Variants in DNAJC14 observed in about 807,000 individuals in gnomAD.
DNAJC14 encodes the protein dnaJ homolog subfamily C member 14.
Under a neutral mutation model 68.8 loss-of-function variants are expected in DNAJC14, and 12 were observed. The observed-to-expected ratio is 0.17, with a 90% CI of 0.11 to 0.28. DNAJC14 has a LOEUF of 0.28. DNAJC14 is among the 10% of genes least tolerant of loss of function. DNAJC14 has a pLI of 1.00. For synonymous variants in DNAJC14, 350 were observed against 321.5 expected (o/e 1.09, Z -0.95); for missense variants, 764 against 875.6 (o/e 0.87, Z 1.61).
At position 55,828,698 on chromosome 12, in the gene DNAJC14, A is replaced by G; in HGVS notation, c.-40T>C. The G allele has an allele frequency of 6.3e-7, 1 of 1,584,100 alleles. No homozygotes were observed. The highest frequency in any genetic ancestry group is 1.1e-5 in the South Asian group (1 of 87,360). On this transcript the variant is annotated 5_prime_UTR_variant, in exon 2 of 7. The change abolishes an upstream ATG in the 5' untranslated region. Coordinates refer to ENST00000678005, the MANE Select transcript of DNAJC14 (RefSeq NM_032364.6). ...CTGAGGGTCTTAGGTCACAGCCATC[A>G]TGGTGTGTTCTGATGCCTGTAACAG... is the stretch of plus-strand genomic sequence containing the variant.
rs745814837 is a variant in DNAJC14, at chr12:55,827,313, C to A, written c.1346G>T (p.Gly449Val). The change falls in exon 2 of 7, where the codon GGG (glycine) becomes GTG (valine). Residue 449 changes from glycine (G) to valine (V), a missense_variant. Gly to Val is a moderately radical substitution (Grantham distance 109, BLOSUM62 -3). Around this residue, in one of 4 missense-constraint regions of DNAJC14, gnomAD observed 110 missense variants for 162.7 expected, o/e 0.68. Coordinates refer to ENST00000678005, the MANE Select transcript of DNAJC14 (RefSeq NM_032364.6). ...AACATCTGATGCTGTGGCCTCAACCCCCAGTACATGGAAAGGGTTTAGCTC... is the reference window on the plus strand; with the variant it reads ...AACATCTGATGCTGTGGCCTCAACCACCAGTACATGGAAAGGGTTTAGCTC... ...EDELNPFHVL[G>V]VEATASDVEL... 1 of 1,602,190 alleles carries A rather than the reference C, an allele frequency of 6.2e-7. No homozygotes were observed. The highest frequency in any genetic ancestry group is 8.5e-7 in the Non-Finnish European group (1 of 1,173,718).
rs892992925 is a variant in DNAJC14 at position 55,825,605 on chromosome 12, G to A, written c.1407+1647C>T. Among the ~76,000 whole-genome samples, 3 of 141,938 alleles carry A rather than the reference G, an allele frequency of 2.1e-5. No homozygotes were observed. In the South Asian group the frequency reaches 6.7e-4, roughly 31 times the overall value. The allele number at this position is 141,938 out of a possible 152,430, so 93.1% of individuals were successfully genotyped here. A position where few individuals can be genotyped will look rare whatever the true frequency, so the allele number is the denominator to read the frequency against. On this transcript the variant is annotated intron_variant, in intron 2 of 6. Transcript: ENST00000678005. Reference sequence around the variant, plus strand: ...GTCGCCCAGGCTGGAGTACAGTGGCGCGATCTCGGCTCACTGCAAGCTCTG... The same window carrying A: ...GTCGCCCAGGCTGGAGTACAGTGGCACGATCTCGGCTCACTGCAAGCTCTG...
In DNAJC14 at chr12:55,823,912, C is replaced by T. The variant is rs557772481; in HGVS notation, c.1408-404G>A. ...GGAGACGGGGTTTCATCTAGTTGGCCAGTCTGGTCTCGAACTCCTGACCTC... is the reference window on the plus strand; with the variant it reads ...GGAGACGGGGTTTCATCTAGTTGGCTAGTCTGGTCTCGAACTCCTGACCTC... On this transcript the variant is annotated intron_variant, in intron 2 of 6. Transcript: ENST00000678005. Among the ~76,000 whole-genome samples, 509 of 150,154 alleles carry T rather than the reference C, an allele frequency of 3.4e-3. 1 individual carries two copies. The highest frequency in any genetic ancestry group is 5.2e-3 in the Non-Finnish European group (350 of 67,706).
Position 55,828,012 on chromosome 12 carries a change from C to T in DNAJC14, c.647G>A (p.Arg216Lys). 6.2e-7 allele frequency: 1 copy of T among 1,613,496 alleles called. No individual in the cohort carries two copies. Among genetic ancestry groups the T allele is most frequent in the Non-Finnish European group, 8.5e-7 (1 of 1,179,916 alleles). ...DTREGGRRDP[R>K]SPGRHRLGRK... ...ACCCAGCCGATGTCGACCAGGGGACCTGGGATCCCTACGTCCACCCTCCCG... is the reference window on the plus strand; with the variant it reads ...ACCCAGCCGATGTCGACCAGGGGACTTGGGATCCCTACGTCCACCCTCCCG... The change falls in exon 2 of 7, where the codon AGG becomes AAG. Residue 216 changes from arginine (R) to lysine (K), a missense_variant. By Grantham distance (26) the Arg-to-Lys change is conservative. Around this residue, in one of 4 missense-constraint regions of DNAJC14, gnomAD observed 514 missense variants for 521.7 expected, o/e 0.99. Transcript: ENST00000678005.
At chr12:55,829,765 A>C, upstream of DNAJC14, 1 of 243,878 alleles carries the variant, frequency 4.1e-6, no homozygotes, top group Non-Finnish European at 6.6e-6. Context: ...CCCGCCATTT[A>C]AAGGCCCCTC....
Position 55,828,549 on chromosome 12 carries a change from G to A in DNAJC14, c.110C>T (p.Ser37Leu). 2 of 1,614,100 alleles carry A rather than the reference G, an allele frequency of 1.2e-6. No homozygotes were observed. Among genetic ancestry groups the A allele is most frequent in the Non-Finnish European group, 8.5e-7 (1 of 1,180,030 alleles). ...PSVDPEIPSF[S>L]GLRDSAGTAP... ...AGTCCCTGCTGAGTCCCTGAGTCCT[G>A]AGAATGAAGGTATTTCAGGGTCCAC... is the stretch of plus-strand genomic sequence containing the variant. Residue 37 changes from serine (S) to leucine (L), a missense_variant, in exon 2 of 7, where the codon TCA becomes TTA. Physicochemically the swap from Ser to Leu is moderately radical, Grantham distance 145. Around this residue, in one of 4 missense-constraint regions of DNAJC14, gnomAD observed 514 missense variants for 521.7 expected, o/e 0.99. Coordinates refer to ENST00000678005, the MANE Select transcript of DNAJC14 (RefSeq NM_032364.6).
chr12:55,829,150 A>G (rs1318622571), intron 1 of DNAJC14: 24 of 986,638 alleles, frequency 2.4e-5, no homozygotes, highest in Non-Finnish European at 2.8e-5. Flanking sequence ...CCGGCTGTGT[A>G]GAAGGGACGA....
upstream of DNAJC14, chr12:55,830,384 T>A (rs953290460): frequency 1.3e-5 from 2 of 152,082 alleles, no homozygotes; most frequent in Non-Finnish European, 2.9e-5. Flanking sequence ...CCCAGTTGGG[T>A]CCCCGTTCCG....
At position 55,821,828 on chromosome 12, in the gene DNAJC14, G is replaced by C; in HGVS notation, c.*149C>G. 1 of 845,826 alleles carries C rather than the reference G, an allele frequency of 1.2e-6. No homozygotes were observed. Among genetic ancestry groups the C allele is most frequent in the Non-Finnish European group, 1.7e-6 (1 of 576,256 alleles). The allele number at this position is 845,826 out of a possible 1,614,324, so 52.4% of individuals were successfully genotyped here. ...GCTGAGATCACACCACTGCACTCCA[G>C]CTGGGCAACAGAGCAAGACTCCATC... On this transcript the variant is annotated 3_prime_UTR_variant, in exon 7 of 7. Coordinates refer to ENST00000678005, the MANE Select transcript of DNAJC14 (RefSeq NM_032364.6).
intron 3 of DNAJC14, 79 bp from the exon 4 acceptor site, chr12:55,823,268 C>G: frequency 6.2e-7 from 1 of 1,606,768 alleles, no homozygotes; most frequent in Middle Eastern, 1.7e-4. Context: ...CCTCTTGAGG[C>G]CCCTGTCTAG....
At chr12:55,824,783 C>T (rs1880750520) in intron 2 of DNAJC14, among the ~76,000 whole-genome samples, 1 of 152,148 alleles carries the variant, frequency 6.6e-6, no homozygotes, top group African/African-American at 2.4e-5. Context: ...GAAAAGAGCT[C>T]TACTACTAGT....
intron 2 of DNAJC14, among the ~76,000 whole-genome samples, chr12:55,824,614 ACT>A (rs1880746707): frequency 6.6e-6 from 1 of 152,190 alleles, no homozygotes; most frequent in South Asian, 2.1e-4. Flanking sequence ...GCCCAGAGAC[ACT>A]CTGGTCCAGG....
intron 1 of DNAJC14, 35 bp downstream of exon 1, chr12:55,829,444 CAAAAAAACAA>C (rs1270065798): frequency 1.1e-6 from 1 of 947,922 alleles, no homozygotes; most frequent in Non-Finnish European, 1.2e-6. Flanking sequence ...GACTCCATCT[CAAAAAAACAA>C]AAAAAAACGA....
Position 55,829,096 on chromosome 12 carries a change from G to A in DNAJC14, c.-56-382C>T, listed in dbSNP as rs773561913. On this transcript the variant is annotated intron_variant, in intron 1 of 6. Transcript: ENST00000678005. ...TGCGGCCCTGGAGGAAAATCTGGGGGCGGAGCTTAGGGCTGCCCCTAAGAA... is the reference window on the plus strand; with the variant it reads ...TGCGGCCCTGGAGGAAAATCTGGGGACGGAGCTTAGGGCTGCCCCTAAGAA... The A allele has an allele frequency of 3.6e-5, 36 of 990,818 alleles. No individual in the cohort carries two copies. In the East Asian group the frequency reaches 2.4e-3, roughly 67 times the overall value. 61.4% of individuals were successfully genotyped at this position (990,818 alleles called of 1,614,324 possible).
chr12:55,829,907 C>T (rs905714667), upstream of DNAJC14: 19 of 152,450 alleles, frequency 1.2e-4, no homozygotes, highest in Admixed American at 1.1e-3. Context: ...GCTTTGTATT[C>T]CTGGGAGATG....
chr12:55,825,026 G>A (rs1032891460), intron 2 of DNAJC14, among the ~76,000 whole-genome samples: 3 of 151,466 alleles, frequency 2.0e-5, no homozygotes, highest in Non-Finnish European at 4.4e-5. Flanking sequence ...CAGCTACTCA[G>A]GAAGCTGAGG....
In DNAJC14 at chr12:55,827,680, G is replaced by A. The variant is rs34103194; in HGVS notation, c.979C>T (p.Leu327=). ...AGAGCCAGGAGCAGCAAAGCACCCA[G>A]CAGCTTAAGAAAACGAGTAAACAGT... ...VGLFTRFLKL[L]GALLLLALAL... is the part of the protein sequence containing the mutation. The change falls in exon 2 of 7, where the codon CTG becomes TTG. Residue 327 remains leucine (L), a synonymous_variant. Coordinates refer to ENST00000678005, the MANE Select transcript of DNAJC14 (RefSeq NM_032364.6). The A allele has an allele frequency of 6.2e-7, 1 of 1,614,028 alleles. No individual in the cohort carries two copies. The highest frequency in any genetic ancestry group is 1.7e-5 in the Admixed American group (1 of 59,986).
Position 55,829,470 on chromosome 12 carries a change from A to G in DNAJC14, c.-57+19T>C. ...AAAAAAACAAAAAAAAACGAAAAAA[A>G]AAAAAAAGACGGACGTACCGAAGAA... On this transcript the variant is annotated intron_variant, in intron 1 of 6. Transcript: ENST00000678005. 1 of 984,682 alleles carries G rather than the reference A, an allele frequency of 1.0e-6. No homozygotes were observed. Among genetic ancestry groups the G allele is most frequent in the Non-Finnish European group, 1.2e-6 (1 of 829,816 alleles). 61.0% of individuals were successfully genotyped at this position (984,682 alleles called of 1,614,324 possible). A position where few individuals can be genotyped will look rare whatever the true frequency, so the allele number is the denominator to read the frequency against.
chr12:55,823,274 T>A, intron 3 of DNAJC14, 85 bp from the exon 4 acceptor site: 26 of 1,604,884 alleles, frequency 1.6e-5, no homozygotes, highest in Non-Finnish European at 2.2e-5. Flanking sequence ...GAGGCCCCTG[T>A]CTAGCGAGAA....
Sources: gnomAD v4.1 joint callset for allele counts (sites outside exome capture counted in the v4.1 genomes callset) on GRCh38, gnomAD v4.1.1 for gene constraint, gnomAD v4.1.1 regional missense constraint, MANE v1.5 for transcripts, NCBI Gene and HGNC (gene_info 2026-07-23, HGNC 2026-07-21) for gene names.